CLASP2: variants seen among roughly 807,000 people sequenced by gnomAD.
CLASP2 encodes CLIP-associating protein 2.
Under a neutral mutation model 194.4 loss-of-function variants are expected in CLASP2, and 47 were observed. The observed-to-expected ratio is 0.24, with a 90% CI of 0.19 to 0.31. The LOEUF is 0.31. CLASP2 is among the 10% of genes least tolerant of loss of function. CLASP2 has a pLI of 1.00. For missense variants in CLASP2, 1,445 were observed against 1,823.6 expected (o/e 0.79, Z 3.78); for synonymous variants, 619 against 633.5 (o/e 0.98, Z 0.34).
chr3:33,684,226 C>CA, intron 6 of CLASP2, 133 bp downstream of exon 6: 1 of 459,798 alleles, frequency 2.2e-6, no homozygotes, highest in African/African-American at 2.1e-5. Flanking sequence ...GCCTGGGCAA[C>CA]AAGAGCAAGA....
chr3:33,694,279 G>A (rs2091647946), intron 2 of CLASP2, among the ~76,000 whole-genome samples: 1 of 152,200 alleles, frequency 6.6e-6, no homozygotes, highest in Non-Finnish European at 1.5e-5. Flanking sequence ...ATTAAGTTCT[G>A]AAAGGAGGGC....
intron 7 of CLASP2, among the ~76,000 whole-genome samples, chr3:33,651,337 C>T (rs1237990785): frequency 6.9e-6 from 1 of 143,900 alleles, no homozygotes; most frequent in Admixed American, 7.3e-5. Context: ...GAGCCAAGAT[C>T]GTGCCACTGC....
intron 12 of CLASP2, among the ~76,000 whole-genome samples, chr3:33,618,942 A>C (rs2076660720): frequency 2.0e-5 from 3 of 152,190 alleles, no homozygotes; most frequent in Admixed American, 6.5e-5. Context: ...TGATTTCATC[A>C]TAGTATGAAC....
At chr3:33,679,987 C>T (rs538542506) in intron 6 of CLASP2, among the ~76,000 whole-genome samples, 6 of 152,182 alleles carry the variant, frequency 3.9e-5, no homozygotes, top group African/African-American at 1.4e-4. Flanking sequence ...AATTAGATGT[C>T]CCACAGTAGA....
chr3:33,582,471 A>C (rs2066373950), intron 22 of CLASP2, among the ~76,000 whole-genome samples: 1 of 152,130 alleles, frequency 6.6e-6, no homozygotes, highest in Non-Finnish European at 1.5e-5. Flanking sequence ...TCTGGGCAAC[A>C]TAGTGAGACC....
In CLASP2 at chr3:33,662,264, T is replaced by A. The variant is rs184318588; in HGVS notation, c.715+1181A>T. On this transcript the variant is annotated intron_variant, in intron 7 of 38. Coordinates refer to ENST00000682230, the MANE Select transcript of CLASP2 (RefSeq NM_001365631.1). ...TAGATTTTATAGGTATTCTACTTTT[T>A]TCCTTAGAGTTGTAACTAACTTAGT... is the stretch of plus-strand genomic sequence containing the variant. 2.8e-3 allele frequency among the ~76,000 whole-genome samples: 430 copies of A among 152,336 alleles called. 1 individual carries two copies. Among genetic ancestry groups the A allele is most frequent in the African/African-American group, 9.9e-3 (410 of 41,578 alleles).
Position 33,660,481 on chromosome 3 carries a change from T to A in CLASP2, c.715+2964A>T, listed in dbSNP as rs1200467977. On this transcript the variant is annotated intron_variant, in intron 7 of 38. Transcript: ENST00000682230. Reference sequence around the variant, plus strand: ...AACTTTTAGCTATAAAAAAGTTATATCACCTTTACAACAAATCCTTTGGTT... The same window carrying A: ...AACTTTTAGCTATAAAAAAGTTATAACACCTTTACAACAAATCCTTTGGTT... 2.6e-5 allele frequency among the ~76,000 whole-genome samples: 4 copies of A among 152,254 alleles called. No individual in the cohort carries two copies. In the East Asian group the frequency reaches 7.7e-4, roughly 29 times the overall value.
intron 34 of CLASP2, among the ~76,000 whole-genome samples, chr3:33,520,244 G>A (rs1320244625): frequency 6.6e-6 from 1 of 152,220 alleles, no homozygotes; most frequent in East Asian, 1.9e-4. Context: ...GACCTCGGGT[G>A]ATCTGCCTGC....
intron 37 of CLASP2, among the ~76,000 whole-genome samples, chr3:33,509,887 C>G (rs1266246350): frequency 6.6e-6 from 1 of 152,050 alleles, no homozygotes. Flanking sequence ...TGAAATCTGG[C>G]AACACCCAGA....
intron 2 of CLASP2, among the ~76,000 whole-genome samples, chr3:33,692,372 C>T (rs1247212634): frequency 1.3e-5 from 2 of 151,944 alleles, no homozygotes; most frequent in Non-Finnish European, 2.9e-5. Flanking sequence ...AAATGTTGGC[C>T]CAAACAGGGG....
intron 10 of CLASP2, among the ~76,000 whole-genome samples, chr3:33,626,305 G>C (rs1165829032): frequency 1.3e-5 from 2 of 152,056 alleles, no homozygotes; most frequent in African/African-American, 4.8e-5. Flanking sequence ...TTCAAATGCA[G>C]CCCTTTTCTC....
At chr3:33,621,961 C>G (rs2077184028) in intron 11 of CLASP2, among the ~76,000 whole-genome samples, 174 bp downstream of exon 11, 2 of 151,984 alleles carry the variant, frequency 1.3e-5, no homozygotes, top group African/African-American at 2.4e-5. Flanking sequence ...GTATAAAGAG[C>G]TGTTAAGGAA....
intron 34 of CLASP2, among the ~76,000 whole-genome samples, chr3:33,517,581 T>C (rs923561086): frequency 2.6e-5 from 4 of 152,336 alleles, no homozygotes; most frequent in African/African-American, 9.6e-5. Context: ...GAGGCTTAAA[T>C]GGCTTTTAGG....
chr3:33,703,532 G>C (rs1250387322), intron 1 of CLASP2, among the ~76,000 whole-genome samples: 2 of 152,206 alleles, frequency 1.3e-5, no homozygotes, highest in East Asian at 3.8e-4. Context: ...TATTTTGGCA[G>C]TTTCTTACAA....
chr3:33,612,034 C>T lies in CLASP2; in HGVS notation c.1355G>A (p.Ser452Asn). The T allele has an allele frequency of 6.2e-7, 1 of 1,610,834 alleles. No homozygotes were observed. The highest frequency in any genetic ancestry group is 8.5e-7 in the Non-Finnish European group (1 of 1,178,204). The change falls in exon 13 of 39, where the codon AGC becomes AAC. Residue 452 changes from serine to asparagine, a missense_variant. Coordinates refer to ENST00000682230, the MANE Select transcript of CLASP2 (RefSeq NM_001365631.1). ...HVPRLIPLIT[S>N]NCTSKSVPVR... Reference sequence around the variant, plus strand: ...GGGAACTGATTTTGATGTGCAATTGCTTGTTATTAAAGGTATAAGTCTGGG... The same window carrying T: ...GGGAACTGATTTTGATGTGCAATTGTTTGTTATTAAAGGTATAAGTCTGGG...
chr3:33,574,841 C>T (rs1434665587), intron 24 of CLASP2, among the ~76,000 whole-genome samples: 2 of 151,954 alleles, frequency 1.3e-5, no homozygotes, highest in African/African-American at 4.8e-5. Context: ...AAGTTTTTTC[C>T]TAAAAATTGG....
intron 6 of CLASP2, among the ~76,000 whole-genome samples, chr3:33,667,033 T>A (rs960570811): frequency 7.9e-5 from 12 of 152,206 alleles, no homozygotes; most frequent in Non-Finnish European, 1.5e-4. Flanking sequence ...AAATATTTTG[T>A]CTGTTTTAAA....
intron 34 of CLASP2, among the ~76,000 whole-genome samples, chr3:33,529,178 A>C (rs2055468616): frequency 6.6e-6 from 1 of 152,250 alleles, no homozygotes; most frequent in African/African-American, 2.4e-5. Context: ...CAGAGAAGAC[A>C]CAAACAAATG....
At chr3:33,541,570 GT>G (rs2058372985) in intron 32 of CLASP2, among the ~76,000 whole-genome samples, 1 of 152,068 alleles carries the variant, frequency 6.6e-6, no homozygotes, top group African/African-American at 2.4e-5. Flanking sequence ...CTACTTGTAA[GT>G]GAGAACATGC....
Sources: gnomAD v4.1 joint callset for allele counts (sites outside exome capture counted in the v4.1 genomes callset) on GRCh38, gnomAD v4.1.1 for gene constraint, MANE v1.5 for transcripts, NCBI Gene and HGNC (gene_info 2026-07-23, HGNC 2026-07-21) for gene names.